The following ZFYVE28 variants were observed in gnomAD, a reference collection of about 807,000 sequenced individuals.
ZFYVE28 encodes lateral signaling target protein 2 homolog.
Under a neutral mutation model 82.1 loss-of-function variants are expected in ZFYVE28, and 40 were observed. That is an observed-to-expected ratio of 0.49 (90% CI 0.38 to 0.63). ZFYVE28 has a LOEUF of 0.63. ZFYVE28 is among the 30% of genes least tolerant of loss of function. The probability of loss-of-function intolerance (pLI) is 0.00; values close to 1 mark genes in which losing one functional copy is unlikely to be tolerated. For synonymous variants in ZFYVE28, 612 were observed against 546.1 expected, an observed-to-expected ratio of 1.12 and a Z score of -1.68; for missense variants, 1,321 against 1,242.1, an observed-to-expected ratio of 1.06 and a Z score of -0.96.
Position 2,417,918 on chromosome 4 carries a change from C to T in ZFYVE28, c.39+367G>A, listed in dbSNP as rs920784270. Among the ~76,000 whole-genome samples the T allele has an allele frequency of 5.3e-5, 8 of 151,548 alleles. No individual in the cohort carries two copies. Among genetic ancestry groups the T allele is most frequent in the African/African-American group, 1.9e-4 (8 of 41,246 alleles). On this transcript the variant is annotated intron_variant, in intron 1 of 12. Transcript: ENST00000290974. The surrounding 1 kb of genome is among the most constrained non-coding windows in gnomAD (Gnocchi z 4.8). Reference sequence around the variant, plus strand: ...CGGAGAAGTAGTAGGGGGTCTGCTCCGGGCCCGCGGGCTGGGGACCACGAA... The same window carrying T: ...CGGAGAAGTAGTAGGGGGTCTGCTCTGGGCCCGCGGGCTGGGGACCACGAA...
intron 8 of ZFYVE28, among the ~76,000 whole-genome samples, chr4:2,302,950 G>A (rs1182194118): frequency 3.9e-5 from 6 of 152,216 alleles, no homozygotes; most frequent in Non-Finnish European, 8.8e-5. Flanking sequence ...AAAACGCGGA[G>A]GACGGTTCCT....
At chr4:2,329,221 C>T in intron 6 of ZFYVE28, 2 of 602,266 alleles carry the variant, frequency 3.3e-6, no homozygotes, top group East Asian at 2.8e-5. Context: ...TATTGCCATT[C>T]TAACTATATT....
intron 1 of ZFYVE28, among the ~76,000 whole-genome samples, chr4:2,382,707 C>CT (rs912458864): frequency 4.3e-4 from 66 of 152,212 alleles, no homozygotes; most frequent in African/African-American, 1.6e-3. Context: ...TGACTGTGGA[C>CT]TTTTGGGTTA....
chr4:2,337,349 G>A lies in ZFYVE28; in HGVS notation c.611+58C>T. 7 of 1,489,992 alleles carry A rather than the reference G, an allele frequency of 4.7e-6. No individual in the cohort carries two copies. In the South Asian group the frequency reaches 7.5e-5, roughly 16 times the overall value. The allele number at this position is 1,489,992 out of a possible 1,614,324, so 92.3% of individuals were successfully genotyped here. ...AGAGCTGCCCTCTGCCCCGGGCCTG[G>A]AGTGAGGCAGGGACTCCCCAGATGC... is the stretch of plus-strand genomic sequence containing the variant. On this transcript the variant is annotated intron_variant, in intron 5 of 12. Transcript: ENST00000290974.
chr4:2,356,394 C>T (rs1405618009), intron 1 of ZFYVE28, among the ~76,000 whole-genome samples: 2 of 150,518 alleles, frequency 1.3e-5, no homozygotes, highest in African/African-American at 4.9e-5. Context: ...CAAGACAGAC[C>T]CAGACCCCGC....
rs762617470 is a variant in ZFYVE28 at position 2,304,367 on chromosome 4, T to C, written c.1973A>G (p.Gln658Arg). ...GLQGEAGVAGQQEPEARELHA... is the reference protein window; with the variant it reads ...GLQGEAGVAGRQEPEARELHA... ...CAGCTCTCTGGCCTCTGGCTCCTGC[T>C]GACCTGCAACCCCAGCCTCTCCTTG... Residue 658 changes from glutamine (Q) to arginine (R), a missense_variant, in exon 8 of 13, where the codon CAG becomes CGG. Coordinates refer to ENST00000290974, the MANE Select transcript of ZFYVE28 (RefSeq NM_020972.3). The C allele has an allele frequency of 3.1e-6, 5 of 1,611,004 alleles. No homozygotes were observed. The highest frequency in any genetic ancestry group is 1.3e-5 in the African/African-American group (1 of 75,070).
In ZFYVE28 at chr4:2,305,296, C is replaced by T; in HGVS notation, c.1044G>A (p.Met348Ile). 6.2e-7 allele frequency: 1 copy of T among 1,613,158 alleles called. No individual in the cohort carries two copies. Among genetic ancestry groups the T allele is most frequent in the Non-Finnish European group, 8.5e-7 (1 of 1,180,010 alleles). ...ACATCTCGTCCCCCGCCCTGTGGAC[C>T]ATGCGGCTGAGCTGCTCCAGCTCCT... ...DDQELEQLSR[M>I]VHRAGDEMSS... The change falls in exon 8 of 13, where the codon ATG (methionine) becomes ATA (isoleucine). Residue 348 changes from methionine to isoleucine, a missense_variant. Met to Ile is a conservative substitution (Grantham distance 10). Around this residue, in one of 2 missense-constraint regions of ZFYVE28, gnomAD observed 978 missense variants for 833.7 expected, o/e 1.17. Coordinates refer to ENST00000290974, the MANE Select transcript of ZFYVE28 (RefSeq NM_020972.3).
chr4:2,295,950 G>C (rs1184795437), intron 8 of ZFYVE28: 2 of 152,562 alleles, frequency 1.3e-5, no homozygotes, highest in Non-Finnish European at 2.9e-5. Context: ...GGAAGGATCA[G>C]GGTGGCAGAT....
intron 8 of ZFYVE28, chr4:2,286,900 T>G (rs1476695063): frequency 6.6e-6 from 1 of 151,298 alleles, no homozygotes; most frequent in African/African-American, 2.5e-5. Context: ...TTTGCAGATT[T>G]AATTAAGTTA....
chr4:2,375,143 C>T (rs2108908280), intron 1 of ZFYVE28, among the ~76,000 whole-genome samples: 1 of 152,342 alleles, frequency 6.6e-6, no homozygotes, highest in Admixed American at 6.5e-5. Flanking sequence ...CGTCCCCTTC[C>T]CTCCCTGCTG....
At chr4:2,270,989 A>C in intron 12 of ZFYVE28, 133 bp from the exon 13 acceptor site, 1 of 1,372,400 alleles carries the variant, frequency 7.3e-7, no homozygotes, top group Non-Finnish European at 9.9e-7. Flanking sequence ...CCCAGCTGCC[A>C]GGGGTTGTGA....
intron 6 of ZFYVE28, chr4:2,330,252 G>C: frequency 1.0e-6 from 1 of 986,406 alleles, no homozygotes. Context: ...AGATGGGTGA[G>C]TCATAGGGTA....
rs139519679 is a variant in ZFYVE28 at position 2,302,390 on chromosome 4, C to G, written c.2051+1899G>C. Among the ~76,000 whole-genome samples, 818 of 152,308 alleles carry G rather than the reference C, an allele frequency of 5.4e-3. 8 individuals are homozygous for G. Among genetic ancestry groups the G allele is most frequent in the African/African-American group, 0.018 (761 of 41,552 alleles). ...ATAATGCTGAATGAGACCAATGAAC[C>G]TGCTGTGAGGAAATGGTGTCCAGTG... On this transcript the variant is annotated intron_variant, in intron 8 of 12. Coordinates refer to ENST00000290974, the MANE Select transcript of ZFYVE28 (RefSeq NM_020972.3).
chr4:2,300,434 G>C lies in ZFYVE28; in HGVS notation c.2051+3855C>G, dbSNP rs1192538235. On this transcript the variant is annotated intron_variant, in intron 8 of 12. Transcript: ENST00000290974. The surrounding 1 kb of genome is among the most constrained non-coding windows in gnomAD (Gnocchi z 4.6). ...AGTAAAATGAAAAGAGCTGAAGGGCGTAGGTTCCAGAACATTCACATCTGC... is the reference window on the plus strand; with the variant it reads ...AGTAAAATGAAAAGAGCTGAAGGGCCTAGGTTCCAGAACATTCACATCTGC... Among the ~76,000 whole-genome samples, 2 of 152,186 alleles carry C rather than the reference G, an allele frequency of 1.3e-5. No individual in the cohort carries two copies. The highest frequency in any genetic ancestry group is 2.1e-4 in the South Asian group (1 of 4,832).
At chr4:2,272,669 T>C (rs1458890153) in intron 10 of ZFYVE28, among the ~76,000 whole-genome samples, 1 of 152,130 alleles carries the variant, frequency 6.6e-6, no homozygotes, top group Non-Finnish European at 1.5e-5. Flanking sequence ...TGGGCAGCAG[T>C]GGACTCCTTT....
rs375808899 is a variant in ZFYVE28, at chr4:2,340,311, G to A, written c.319-656C>T. Among the ~76,000 whole-genome samples, 44 of 152,174 alleles carry A rather than the reference G, an allele frequency of 2.9e-4. 1 individual carries two copies. Among genetic ancestry groups the A allele is most frequent in the African/African-American group, 9.2e-4 (38 of 41,450 alleles). ...CACCCATGTCTGCCCTGGGTGCTGC[G>A]AGGCAGCTCCCCAGCGTGCGCTCAG... On this transcript the variant is annotated intron_variant, in intron 3 of 12. Transcript: ENST00000290974.
At chr4:2,307,686 G>T (rs1360182186) in intron 7 of ZFYVE28, among the ~76,000 whole-genome samples, 1 of 152,138 alleles carries the variant, frequency 6.6e-6, no homozygotes, top group African/African-American at 2.4e-5. Context: ...TAGAGACAGG[G>T]TCTCACTATG....
intron 1 of ZFYVE28, among the ~76,000 whole-genome samples, chr4:2,360,454 G>A (rs561128911): frequency 4.7e-5 from 7 of 150,394 alleles, no homozygotes; most frequent in Admixed American, 1.3e-4. Flanking sequence ...CAGAAACCCC[G>A]TGCTATTTGA....
Position 2,277,960 on chromosome 4 carries a change from C to T in ZFYVE28, c.2052-3744G>A, listed in dbSNP as rs1577867491. ...TGAAAGAGCAGGAATCAAGACTGTG[C>T]AGCAGCAGCATAGGACCGACATACA... On this transcript the variant is annotated intron_variant, in intron 8 of 12. Coordinates refer to ENST00000290974, the MANE Select transcript of ZFYVE28 (RefSeq NM_020972.3). Among the ~76,000 whole-genome samples, 4 of 152,180 alleles carry T rather than the reference C, an allele frequency of 2.6e-5. No homozygotes were observed. In the East Asian group the frequency reaches 7.7e-4, roughly 29 times the overall value.
Sources: allele counts gnomAD v4.1 joint callset (sites outside exome capture counted in the v4.1 genomes callset), GRCh38; gene constraint gnomAD v4.1.1; regional missense constraint gnomAD v4.1.1; non-coding constraint Gnocchi (gnomAD v3.1); transcripts MANE v1.5; gene names NCBI Gene and HGNC (gene_info 2026-07-23, HGNC 2026-07-21).